The following MLXIPL variants were observed in gnomAD, a reference collection of about 807,000 sequenced individuals.
The protein encoded by MLXIPL is carbohydrate-responsive element-binding protein.
In MLXIPL, 49 loss-of-function variants were observed where a neutral mutation model predicts 81.5. That is an observed-to-expected ratio of 0.60 (90% CI 0.48 to 0.76). The LOEUF (loss-of-function observed/expected upper bound fraction) is 0.76. MLXIPL is among the 30% of genes least tolerant of loss of function. MLXIPL has a pLI of 0.00. For missense variants in MLXIPL, 1,053 were observed against 1,167.0 expected (o/e 0.90, Z 1.42); for synonymous variants, 466 against 485.5 (o/e 0.96, Z 0.53).
At position 73,597,407 on chromosome 7, in the gene MLXIPL, G is replaced by T; in HGVS notation, c.1378C>A (p.Gln460Lys). Residue 460 changes from glutamine to lysine, a missense_variant, in exon 9 of 17, where the codon CAG becomes AAG. Transcript: ENST00000313375. ...PAPAAFPPTP[Q>K]SVPSPAPTPF... ...GTGGGGGCTGGGCTGGGGACAGACT[G>T]TGGGGTGGGTGGGAAGGCTGCAGGA... 7.0e-7 allele frequency: 1 copy of T among 1,425,682 alleles called. No individual in the cohort carries two copies. Among genetic ancestry groups the T allele is most frequent in the Middle Eastern group, 2.5e-4 (1 of 3,950 alleles). 88.3% of individuals were successfully genotyped at this position (1,425,682 alleles called of 1,614,324 possible). A position where few individuals can be genotyped will look rare whatever the true frequency, so the allele number is the denominator to read the frequency against.
intron 1 of MLXIPL, among the ~76,000 whole-genome samples, chr7:73,617,055 A>C (rs1222778125): frequency 6.6e-6 from 1 of 151,974 alleles, no homozygotes; most frequent in East Asian, 1.9e-4. Context: ...TCAGTCTGTC[A>C]TCCAGGCTGG....
At chr7:73,644,436 C>T in the MLXIPL span, among the ~76,000 whole-genome samples, 1 of 152,122 alleles carries the variant, frequency 6.6e-6, no homozygotes, top group Admixed American at 6.6e-5. Context: ...TCTTGAACTC[C>T]TGACCTCAGA....
chr7:73,644,375 A>G, the MLXIPL span, among the ~76,000 whole-genome samples: 3 of 151,888 alleles, frequency 2.0e-5, no homozygotes, highest in East Asian at 5.9e-4. Context: ...ATGCCCGGCT[A>G]ATTTTTGTAT....
In MLXIPL at chr7:73,593,798, C is replaced by A; in HGVS notation, c.*67G>T. 1.5e-6 allele frequency: 2 copies of A among 1,350,636 alleles called. No homozygotes were observed. The highest frequency in any genetic ancestry group is 2.9e-5 in the African/African-American group (2 of 69,756). 83.7% of individuals were successfully genotyped at this position (1,350,636 alleles called of 1,614,324 possible). ...AGGAAGGGAGTGCCCAGAGATGATC[C>A]CTGGAGCCCGTGCCCAGGGAAAGCA... is the stretch of plus-strand genomic sequence containing the variant. On this transcript the variant is annotated 3_prime_UTR_variant, in exon 17 of 17. Coordinates refer to ENST00000313375, the MANE Select transcript of MLXIPL (RefSeq NM_032951.3).
At chr7:73,621,355 C>T (rs72649052) in intron 1 of MLXIPL, among the ~76,000 whole-genome samples, 2 of 151,496 alleles carry the variant, frequency 1.3e-5, no homozygotes. Context: ...CCTCTGCCCA[C>T]GCTAACCTGC....
intron 4 of MLXIPL, 91 bp from the exon 5 acceptor site, chr7:73,607,109 A>T (rs782530119): frequency 1.2e-5 from 18 of 1,513,022 alleles, no homozygotes; most frequent in Non-Finnish European, 1.5e-5. Context: ...AAGCGATGAG[A>T]TCCCCCATTT....
At chr7:73,624,652 C>A (rs1205631637), upstream of MLXIPL, 3 of 1,315,428 alleles carry the variant, frequency 2.3e-6, no homozygotes, top group Non-Finnish European at 2.9e-6. Context: ...ATAATCCTTA[C>A]GCCAGGTGAG....
At chr7:73,626,955 C>A (rs1796764619), upstream of MLXIPL, among the ~76,000 whole-genome samples, 1 of 152,266 alleles carries the variant, frequency 6.6e-6, no homozygotes, top group African/African-American at 2.4e-5. Flanking sequence ...AATGGCAGTG[C>A]CCTGAGGGCC....
chr7:73,600,790 G>A (rs1340927974), intron 7 of MLXIPL, among the ~76,000 whole-genome samples: 1 of 151,800 alleles, frequency 6.6e-6, no homozygotes, highest in Non-Finnish European at 1.5e-5. Context: ...TGGGAAGCCT[G>A]CGAGAGCTGG....
chr7:73,627,381 C>T (rs1243282940), upstream of MLXIPL, among the ~76,000 whole-genome samples: 2 of 151,934 alleles, frequency 1.3e-5, no homozygotes, highest in African/African-American at 4.8e-5. Context: ...CCCAAGTAGC[C>T]GGGATTACAG....
upstream of MLXIPL, among the ~76,000 whole-genome samples, chr7:73,625,370 C>T (rs1554603562): frequency 6.6e-6 from 1 of 152,222 alleles, no homozygotes; most frequent in East Asian, 1.9e-4. Context: ...GTAGAAGCCC[C>T]CAACTCTCAG....
At chr7:73,620,051 C>T (rs1554601630) in intron 1 of MLXIPL, among the ~76,000 whole-genome samples, 2 of 152,214 alleles carry the variant, frequency 1.3e-5, no homozygotes, top group Non-Finnish European at 2.9e-5. Flanking sequence ...GAGAGGATCG[C>T]TTGAACCCAG....
Position 73,624,337 on chromosome 7 carries a change from G to T in MLXIPL, c.156C>A (p.Phe52Leu). 6.3e-7 allele frequency: 1 copy of T among 1,588,116 alleles called. No homozygotes were observed. Among genetic ancestry groups the T allele is most frequent in the Admixed American group, 1.8e-5 (1 of 56,238 alleles). Residue 52 changes from phenylalanine to leucine, a missense_variant, in exon 1 of 17, where the codon TTC becomes TTA. Around this residue, in one of 3 missense-constraint regions of MLXIPL, gnomAD observed 226 missense variants for 216.2 expected, o/e 1.05. Transcript: ENST00000313375. ...AGTCGCTGTGCGGCGACGACACCAT[G>T]AAGTGACCGCTGTGGATGACCTGCG... ...LRSQVIHSGH[F>L]MVSSPHSDSL...
In MLXIPL at chr7:73,605,841, TC is replaced by T. The variant is rs1554597820; in HGVS notation, c.820+68del. The T allele has an allele frequency of 2.0e-6, 3 of 1,494,204 alleles. No homozygotes were observed. The African/African-American group carries it at 4.2e-5, about 21-fold the overall frequency. 92.6% of individuals were successfully genotyped at this position (1,494,204 alleles called of 1,614,324 possible). ...GGGTCCCCACCCCCATCCCCAGCCA[TC>T]CCTCCCTTGGCCTCCTGGAATCTCA... On this transcript the variant is annotated intron_variant, in intron 6 of 16. Coordinates refer to ENST00000313375, the MANE Select transcript of MLXIPL (RefSeq NM_032951.3).
rs782673073 is a variant in MLXIPL, at chr7:73,616,151, T to C, written c.320A>G (p.Lys107Arg). 17 of 1,614,026 alleles carry C rather than the reference T, an allele frequency of 1.1e-5. No homozygotes were observed. The highest frequency in any genetic ancestry group is 1.4e-5 in the Non-Finnish European group (16 of 1,180,004). ...YSGKLVSPKW[K>R]NFKGLKLLCR... The stretch of plus-strand genomic sequence containing the variant: ...GAGCAGCTTGAGGCCTTTGAAATTC[T>C]TCCACTTGGGAGACACCAGCTTGCC... The change falls in exon 2 of 17, where the codon AAG becomes AGG. Residue 107 changes from lysine (K) to arginine (R), a missense_variant. Lys to Arg is a conservative substitution (Grantham distance 26). Around this residue, in one of 3 missense-constraint regions of MLXIPL, gnomAD observed 226 missense variants for 216.2 expected, o/e 1.05. Coordinates refer to ENST00000313375, the MANE Select transcript of MLXIPL (RefSeq NM_032951.3).
rs34060476 is a variant in MLXIPL at position 73,623,626 on chromosome 7, A to G, written c.293+574T>C. Among the ~76,000 whole-genome samples the G allele has an allele frequency of 0.12, 18,156 of 152,190 alleles. 1,122 individuals carry two copies. Among genetic ancestry groups the G allele is most frequent in the Middle Eastern group, 0.15 (44 of 294 alleles). On this transcript the variant is annotated intron_variant, in intron 1 of 16. Transcript: ENST00000313375. This position sits in a 1 kb window ranked among gnomAD's most constrained non-coding sequence, Gnocchi z 5.7. ...CCGCCACCCTTAATGTAGCAGATCA[A>G]GAAGAGGTGTCTCAGCAATTGCGGG...
At chr7:73,627,973 CTTTCT>C (rs781958282), upstream of MLXIPL, among the ~76,000 whole-genome samples, 2 of 121,724 alleles carry the variant, frequency 1.6e-5, no homozygotes, top group Non-Finnish European at 3.9e-5. Context: ...AAACTCAGTG[CTTTCT>C]TTCTTTCTTC....
At chr7:73,645,341 T>G in the MLXIPL span, among the ~76,000 whole-genome samples, 79 of 152,240 alleles carry the variant, frequency 5.2e-4, no homozygotes, top group Non-Finnish European at 9.0e-4. Flanking sequence ...GGGCAGTAGT[T>G]GTCTGTCTCT....
rs782369440 is a variant in MLXIPL, at chr7:73,605,682, C to A, written c.901+6G>T. 6.2e-7 allele frequency: 1 copy of A among 1,613,260 alleles called. No homozygotes were observed. Among genetic ancestry groups the A allele is most frequent in the Non-Finnish European group, 8.5e-7 (1 of 1,179,864 alleles). On this transcript the variant is annotated splice_donor_region_variant and intron_variant, in intron 7 of 16. Transcript: ENST00000313375. ...TCCACCCGACCTGGGGAGGGGCTCG[C>A]CCCACCTGAGATGTCCATGAAGTCA... is the stretch of plus-strand genomic sequence containing the variant.
Sources: gnomAD v4.1 joint callset for allele counts (sites outside exome capture counted in the v4.1 genomes callset) on GRCh38, gnomAD v4.1.1 for gene constraint, gnomAD v4.1.1 regional missense constraint, Gnocchi (gnomAD v3.1) non-coding constraint, MANE v1.5 for transcripts, NCBI Gene and HGNC (gene_info 2026-07-23, HGNC 2026-07-21) for gene names.